PALLD: variants seen among roughly 807,000 people sequenced by gnomAD.
PALLD encodes the protein palladin, cytoskeletal associated protein.
In PALLD, 61 loss-of-function variants were observed where a neutral mutation model predicts 123.5. That is an observed-to-expected ratio of 0.49 (90% confidence interval 0.40 to 0.61). The LOEUF (loss-of-function observed/expected upper bound fraction) is 0.61. PALLD is among the 20% of genes least tolerant of loss of function. The pLI is 0.00. For synonymous variants in PALLD, 465 were observed against 496.4 expected (o/e 0.94, Z 0.84); for missense variants, 1,273 against 1,377.0 (o/e 0.92, Z 1.20).
chr4:168,810,340 A>C lies in PALLD; in HGVS notation c.1965-80582A>C, dbSNP rs186503425. 8.0e-4 allele frequency among the ~76,000 whole-genome samples: 122 copies of C among 152,284 alleles called. 1 individual carries two copies. The highest frequency in any genetic ancestry group is 4.6e-3 in the Admixed American group (71 of 15,296). The stretch of plus-strand genomic sequence containing the variant: ...AGAAATTTGTAAGGAGCCCATTGAC[A>C]AGAGGAGATTTGAGGATTGAAAATT... On this transcript the variant is annotated intron_variant, in intron 10 of 21. Coordinates refer to ENST00000505667, the MANE Select transcript of PALLD (RefSeq NM_001166108.2).
intron 10 of PALLD, among the ~76,000 whole-genome samples, chr4:168,715,916 C>CTCCA (rs199548846): frequency 0.074 from 11,201 of 151,902 alleles, 899 homozygotes; most frequent in African/African-American, 0.2. Flanking sequence ...CGCCACTGCC[C>CTCCA]TCCACCCTGG....
chr4:168,660,038 A>G (rs761752544), intron 2 of PALLD, among the ~76,000 whole-genome samples: 1 of 152,208 alleles, frequency 6.6e-6, no homozygotes, highest in Non-Finnish European at 1.5e-5. Context: ...TTATTATCAT[A>G]AAAATCAACA....
chr4:168,534,293 A>G (rs1764887806), intron 2 of PALLD, among the ~76,000 whole-genome samples: 2 of 152,254 alleles, frequency 1.3e-5, no homozygotes, highest in Admixed American at 1.3e-4. Context: ...GACCAGAGCC[A>G]GAGACCAGAC....
intron 2 of PALLD, among the ~76,000 whole-genome samples, chr4:168,559,611 C>G (rs1767656872): frequency 6.6e-6 from 1 of 152,110 alleles, no homozygotes; most frequent in African/African-American, 2.4e-5. Flanking sequence ...GAAAGCAATA[C>G]ATAGGCTGGG....
intron 2 of PALLD, among the ~76,000 whole-genome samples, chr4:168,652,791 A>G (rs1288127157): frequency 1.3e-5 from 2 of 152,230 alleles, no homozygotes; most frequent in African/African-American, 4.8e-5. Flanking sequence ...TGCTGAATCT[A>G]AGCTCCATTT....
At chr4:168,686,076 A>G (rs1012261405) in intron 6 of PALLD, among the ~76,000 whole-genome samples, 1 of 152,098 alleles carries the variant, frequency 6.6e-6, no homozygotes, top group Admixed American at 6.6e-5. Flanking sequence ...ACATTTTAAA[A>G]GGCCCAAATA....
intron 10 of PALLD, among the ~76,000 whole-genome samples, chr4:168,835,063 C>T (rs1744937390): frequency 6.6e-6 from 1 of 152,140 alleles, no homozygotes; most frequent in African/African-American, 2.4e-5. Flanking sequence ...TCTTAATTGT[C>T]CAAACAATTG....
rs1248343807 is a variant in PALLD, at chr4:168,927,783, T to C, written c.*1603T>C. ...TTGATTCTGACCAGACTTGATGGTT[T>C]TAAGTCGGAACCGATAAATTTTAAA... is the stretch of plus-strand genomic sequence containing the variant. On this transcript the variant is annotated 3_prime_UTR_variant, in exon 22 of 22. Transcript: ENST00000505667. The C allele has an allele frequency of 4.6e-6, 1 of 219,696 alleles. No individual in the cohort carries two copies. The highest frequency in any genetic ancestry group is 9.2e-6 in the Non-Finnish European group (1 of 109,264). 13.6% of individuals were successfully genotyped at this position (219,696 alleles called of 1,614,324 possible).
At chr4:168,874,174 G>A (rs1751440977) in intron 10 of PALLD, among the ~76,000 whole-genome samples, 1 of 152,180 alleles carries the variant, frequency 6.6e-6, no homozygotes, top group African/African-American at 2.4e-5. Flanking sequence ...GACCCCACAA[G>A]CTAGTAGCCG....
At chr4:168,878,031 C>A in intron 10 of PALLD, 1 of 1,489,806 alleles carries the variant, frequency 6.7e-7, no homozygotes, top group Non-Finnish European at 8.9e-7. Context: ...AGCCCCAGCT[C>A]GTCCAGCCTC....
chr4:168,656,362 G>A (rs528913091), intron 2 of PALLD, among the ~76,000 whole-genome samples: 1 of 151,518 alleles, frequency 6.6e-6, no homozygotes, highest in Admixed American at 6.6e-5. Flanking sequence ...ACTTGCATAG[G>A]GAATTGGTGA....
chr4:168,745,428 G>GA (rs201717753), intron 10 of PALLD, among the ~76,000 whole-genome samples: 1 of 36,768 alleles, frequency 2.7e-5, no homozygotes, highest in African/African-American at 7.9e-5. Context: ...TGAGATGGGA[G>GA]GGGGGGGCAA....
intron 10 of PALLD, among the ~76,000 whole-genome samples, chr4:168,785,686 G>A (rs377279790): frequency 2.0e-5 from 3 of 151,294 alleles, no homozygotes; most frequent in South Asian, 2.1e-4. Context: ...TGGGTTTGGC[G>A]TACTTACCCC....
chr4:168,724,364 T>C (rs1786333698), intron 10 of PALLD, among the ~76,000 whole-genome samples: 1 of 152,246 alleles, frequency 6.6e-6, no homozygotes, highest in Non-Finnish European at 1.5e-5. Flanking sequence ...TTCATACTAA[T>C]ACATCACCTA....
At chr4:168,794,103 G>A (rs548258882) in intron 10 of PALLD, among the ~76,000 whole-genome samples, 74 of 152,194 alleles carry the variant, frequency 4.9e-4, no homozygotes, top group Middle Eastern at 6.8e-3. Context: ...CCTTTTCCAG[G>A]GGTTCTCCAG....
At chr4:168,615,289 T>C (rs895400144) in intron 2 of PALLD, among the ~76,000 whole-genome samples, 12 of 152,226 alleles carry the variant, frequency 7.9e-5, no homozygotes, top group Non-Finnish European at 1.5e-4. Context: ...ATAAATATGA[T>C]TTTTGTAACA....
At chr4:168,738,311 GGAGCCTC>G (rs1787958608) in intron 10 of PALLD, among the ~76,000 whole-genome samples, 1 of 152,202 alleles carries the variant, frequency 6.6e-6, no homozygotes, top group Non-Finnish European at 1.5e-5. Flanking sequence ...GATGGCTGAA[GGAGCCTC>G]TATGGAAGAC....
chr4:168,865,311 A>G (rs1199429762), intron 10 of PALLD, among the ~76,000 whole-genome samples: 1 of 152,240 alleles, frequency 6.6e-6, no homozygotes, highest in African/African-American at 2.4e-5. Flanking sequence ...TGCTTGCCAA[A>G]ACGCATTTTT....
chr4:168,605,100 T>C (rs1383620338), intron 2 of PALLD, among the ~76,000 whole-genome samples: 1 of 152,080 alleles, frequency 6.6e-6, no homozygotes, highest in African/African-American at 2.4e-5. Context: ...AGGGGGTAAT[T>C]AACTGAGCTC....
Sources: gnomAD v4.1 joint callset for allele counts (sites outside exome capture counted in the v4.1 genomes callset) on GRCh38, gnomAD v4.1.1 for gene constraint, MANE v1.5 for transcripts, NCBI Gene and HGNC (gene_info 2026-07-23, HGNC 2026-07-21) for gene names.